Variants in DNAH17 observed in about 807,000 individuals in gnomAD.
DNAH17 encodes axonemal beta dynein heavy chain 17.
DNAH17 carries 376 observed loss-of-function variants against 485.6 expected under a neutral mutation model. That is an observed-to-expected ratio of 0.77 (90% confidence interval 0.71 to 0.84). The LOEUF is 0.84. Ranked by LOEUF, DNAH17 falls within the 40% of genes least tolerant of loss-of-function variation. The pLI, the probability that DNAH17 is intolerant of heterozygous loss-of-function variation, is 0.00. For missense variants in DNAH17, 6,370 were observed against 5,839.3 expected (o/e 1.09, Z -2.96); for synonymous variants, 3,031 against 2,405.9 (o/e 1.26, Z -7.60).
intron 14 of DNAH17, among the ~76,000 whole-genome samples, chr17:78,556,162 C>G (rs1226078227): frequency 6.7e-6 from 1 of 149,576 alleles, no homozygotes; most frequent in Non-Finnish European, 1.5e-5. Flanking sequence ...ATTCATCCAC[C>G]TATATAATCT....
At position 78,485,003 on chromosome 17, in the gene DNAH17, G is replaced by C; in HGVS notation, c.7514C>G (p.Ser2505Trp). 6.2e-7 allele frequency: 1 copy of C among 1,612,744 alleles called. No homozygotes were observed. The highest frequency in any genetic ancestry group is 1.3e-5 in the African/African-American group (1 of 74,998). ...GCCTGGCGGCCCGTAGTTCCTCCCC[G>C]ATTTCTTCTCCAGCGGCTTCTCCAG... ...GVLEKPLEKKSGRNYGPPGTK... is the reference protein window; with the variant it reads ...GVLEKPLEKKWGRNYGPPGTK... Residue 2505 changes from serine (S) to tryptophan (W), a missense_variant, in exon 48 of 81, where the codon TCG (serine) becomes TGG (tryptophan). By Grantham distance (177) the Ser-to-Trp change is radical. Coordinates refer to ENST00000389840, the MANE Select transcript of DNAH17 (RefSeq NM_173628.4).
At chr17:78,449,630 C>T (rs1346096800) in intron 68 of DNAH17, 46 bp from the exon 69 acceptor site, 1 of 1,540,548 alleles carries the variant, frequency 6.5e-7, no homozygotes. Flanking sequence ...AGAGATGGAG[C>T]CCTTCACCAC....
At chr17:78,429,537 G>C (rs2086601644) in intron 75 of DNAH17, among the ~76,000 whole-genome samples, 1 of 152,160 alleles carries the variant, frequency 6.6e-6, no homozygotes, top group Admixed American at 6.5e-5. Flanking sequence ...TCTCTCACAA[G>C]GGGCTGTGTG....
intron 25 of DNAH17, among the ~76,000 whole-genome samples, chr17:78,516,109 A>G (rs2143141040): frequency 6.6e-6 from 1 of 152,356 alleles, no homozygotes; most frequent in East Asian, 1.9e-4. Context: ...GGGAGTGTTC[A>G]CAAGATGTTT....
At chr17:78,439,814 C>T (rs957236900) in intron 72 of DNAH17, among the ~76,000 whole-genome samples, 9 of 151,830 alleles carry the variant, frequency 5.9e-5, no homozygotes, top group Non-Finnish European at 1.0e-4. Context: ...GGACTACAGG[C>T]GCCCGCCACC....
intron 11 of DNAH17, among the ~76,000 whole-genome samples, chr17:78,565,023 T>C (rs2092239320): frequency 6.6e-6 from 1 of 152,162 alleles, no homozygotes; most frequent in Non-Finnish European, 1.5e-5. Flanking sequence ...GGATGTCTGA[T>C]TACCCTAACC....
chr17:78,537,452 G>A lies in DNAH17; in HGVS notation c.2706C>T (p.Arg902=), dbSNP rs760578349. The A allele has an allele frequency of 5.6e-6, 9 of 1,613,432 alleles. No homozygotes were observed. Among genetic ancestry groups the A allele is most frequent in the South Asian group, 2.2e-5 (2 of 91,046 alleles). The change falls in exon 19 of 81, where the codon CGC becomes CGT. Residue 902 remains arginine, a synonymous_variant. Transcript: ENST00000389840. ...TCAGCCCATCCTCGTCCAGCTCCAT[G>A]CGGATCTCAAACAGGGGAGCGATAC... ...DESIAPLFEI[R]MELDEDGLTF...
intron 68 of DNAH17, 92 bp from the exon 69 acceptor site, chr17:78,449,676 CCA>C (rs2087463910): frequency 7.6e-7 from 1 of 1,319,558 alleles, no homozygotes. Flanking sequence ...GTGGTGGCCT[CCA>C]GTTTGTTTTG....
chr17:78,479,211 G>A, intron 50 of DNAH17, 95 bp from the exon 51 acceptor site: 1 of 1,250,208 alleles, frequency 8.0e-7, no homozygotes. Context: ...ACTACGAAAT[G>A]GTGACAACTG....
intron 17 of DNAH17, 139 bp from the exon 18 acceptor site, chr17:78,540,019 G>T: frequency 1.3e-6 from 1 of 788,970 alleles, no homozygotes; most frequent in Non-Finnish European, 1.8e-6. Flanking sequence ...TCTTGCTGGT[G>T]CTGGCCGCCT....
chr17:78,451,541 G>A lies in DNAH17; in HGVS notation c.10662C>T (p.Thr3554=). 6.2e-7 allele frequency: 1 copy of A among 1,613,840 alleles called. No individual in the cohort carries two copies. The highest frequency in any genetic ancestry group is 8.5e-7 in the Non-Finnish European group (1 of 1,179,798). The part of the protein sequence containing the change: ...AQCTLINFLV[T]RDGLEDQLLA... ...AGAGTTGGTCCTCGAGTCCATCCCT[G>A]GTGACCAGGAAGTTGATGAGGGTGC... The change falls in exon 66 of 81, where the codon ACC becomes ACT. Residue 3554 remains threonine, a synonymous_variant. Coordinates refer to ENST00000389840, the MANE Select transcript of DNAH17 (RefSeq NM_173628.4).
Position 78,486,331 on chromosome 17 carries a change from G to C in DNAH17, c.6994C>G (p.Leu2332Val), listed in dbSNP as rs2146650190. ...IQTILYLLECLLTEKTVPPDS... is the reference protein window; with the variant it reads ...IQTILYLLECVLTEKTVPPDS... ...GGGGGCACGGTCTTCTCCGTGAGCA[G>C]GCACTCCAGCAGGTACAGAATCGTT... The change falls in exon 45 of 81, where the codon CTG becomes GTG. Residue 2332 changes from leucine to valine, a missense_variant. Leu to Val is a conservative substitution (Grantham distance 32). Coordinates refer to ENST00000389840, the MANE Select transcript of DNAH17 (RefSeq NM_173628.4). The C allele has an allele frequency of 1.9e-6, 3 of 1,613,822 alleles. No homozygotes were observed. The highest frequency in any genetic ancestry group is 2.5e-6 in the Non-Finnish European group (3 of 1,179,754).
At chr17:78,537,225 G>T in intron 19 of DNAH17, 74 bp downstream of exon 19, 1 of 1,446,688 alleles carries the variant, frequency 6.9e-7, no homozygotes, top group Non-Finnish European at 9.4e-7. Flanking sequence ...AAGCCTTGCC[G>T]AGTTAGGGCG....
intron 69 of DNAH17, among the ~76,000 whole-genome samples, chr17:78,447,948 G>C (rs932799562): frequency 4.0e-5 from 6 of 150,980 alleles, no homozygotes; most frequent in African/African-American, 1.5e-4. Flanking sequence ...GAGGCTAGTG[G>C]ATCACCTAAG....
At chr17:78,429,782 A>G (rs751143891) in intron 75 of DNAH17, among the ~76,000 whole-genome samples, 9 of 152,180 alleles carry the variant, frequency 5.9e-5, no homozygotes, top group Non-Finnish European at 8.8e-5. Flanking sequence ...AGTGCCGTCA[A>G]CCTTTTGGCC....
chr17:78,497,270 A>G (rs552197658), intron 37 of DNAH17, among the ~76,000 whole-genome samples: 89 of 152,124 alleles, frequency 5.9e-4, no homozygotes, highest in African/African-American at 2.1e-3. Flanking sequence ...TCTCCAAGTC[A>G]CCACTTGAGG....
At chr17:78,511,666 T>G (rs1210963304) in intron 26 of DNAH17, among the ~76,000 whole-genome samples, 1 of 152,220 alleles carries the variant, frequency 6.6e-6, no homozygotes, top group African/African-American at 2.4e-5. Context: ...TGTCACATAG[T>G]CAGATGTTTC....
At chr17:78,432,403 C>CT (rs2086707766) in intron 75 of DNAH17, among the ~76,000 whole-genome samples, 1 of 152,182 alleles carries the variant, frequency 6.6e-6, no homozygotes, top group Non-Finnish European at 1.5e-5. Context: ...ACAGCAGAGG[C>CT]TGCCTTTCCC....
intron 73 of DNAH17, 89 bp downstream of exon 73, chr17:78,439,001 A>G (rs1321113005): frequency 3.3e-6 from 5 of 1,513,450 alleles, no homozygotes; most frequent in Non-Finnish European, 4.4e-6. Context: ...CAAACTCCAC[A>G]TCCTGCTTCC....
Sources: allele counts gnomAD v4.1 joint callset (sites outside exome capture counted in the v4.1 genomes callset), GRCh38; gene constraint gnomAD v4.1.1; transcripts MANE v1.5; gene names NCBI Gene and HGNC (gene_info 2026-07-23, HGNC 2026-07-21).